The following ARHGEF9 variants were observed in gnomAD, a reference collection of about 807,000 sequenced individuals.
ARHGEF9 encodes rho guanine nucleotide exchange factor 9.
In ARHGEF9, 2 loss-of-function variants were observed where a neutral mutation model predicts 41.3. That is an observed-to-expected ratio of 0.05 (90% CI 0.02 to 0.15). ARHGEF9 has a LOEUF of 0.15. Among genes scored for constraint, ARHGEF9 ranks in the 10% least tolerant of loss-of-function variants. The pLI is 1.00. For missense variants in ARHGEF9, 225 were observed against 424.7 expected, an observed-to-expected ratio of 0.53 and a Z score of 4.13; for synonymous variants, 160 against 154.4, an observed-to-expected ratio of 1.04 and a Z score of -0.27.
intron 8 of ARHGEF9, among the ~76,000 whole-genome samples, chrX:63,647,856 G>C (rs1380617170): frequency 9.0e-6 from 1 of 111,092 alleles, no homozygotes; most frequent in African/African-American, 3.3e-5. Flanking sequence ...GAATCCGTCT[G>C]GTCCTGGACT....
intron 5 of ARHGEF9, among the ~76,000 whole-genome samples, chrX:63,676,946 G>A (rs1186614237): frequency 8.9e-6 from 1 of 111,992 alleles, no homozygotes; most frequent in Non-Finnish European, 1.9e-5. Context: ...GTTCTACTGG[G>A]CAGTCCTGGC....
intron 7 of ARHGEF9, chrX:63,657,113 G>C (rs1176324550): frequency 8.9e-6 from 1 of 112,063 alleles, no homozygotes; most frequent in Non-Finnish European, 1.9e-5. Flanking sequence ...GCCCCTATGA[G>C]TCCTGTCCTG....
At chrX:63,742,110 A>C (rs2054997995) in intron 1 of ARHGEF9, among the ~76,000 whole-genome samples, 1 of 112,340 alleles carries the variant, frequency 8.9e-6, no homozygotes, top group African/African-American at 3.2e-5. Context: ...CACTTCCTGA[A>C]TGTGGTAATC....
At position 63,655,638 on chromosome X, in the gene ARHGEF9, C is replaced by T. The variant is rs1556334858; in HGVS notation, c.1177G>A (p.Val393Ile). ...AGCTTAAAGGCATTCTTCATGCTGACATTGAAGTCATCATCTCTGCCATCC... is the reference window on the plus strand; with the variant it reads ...AGCTTAAAGGCATTCTTCATGCTGATATTGAAGTCATCATCTCTGCCATCC... ...IEDGRDDDFN[V>I]SMKNAFKLHN... The change falls in exon 8 of 10, where the codon GTC becomes ATC. Residue 393 changes from valine (V) to isoleucine (I), a missense_variant. Val to Ile is a conservative substitution (Grantham distance 29, BLOSUM62 3). Transcript: ENST00000671741. 1 of 1,211,381 alleles carries T rather than the reference C, an allele frequency of 8.3e-7. No individual in the cohort carries two copies.
intron 5 of ARHGEF9, among the ~76,000 whole-genome samples, chrX:63,675,342 A>C (rs782522209): frequency 1.8e-5 from 2 of 111,900 alleles, no homozygotes; most frequent in South Asian, 7.6e-4. Flanking sequence ...GCTTCTGCCC[A>C]AAATCACTCT....
intron 4 of ARHGEF9, among the ~76,000 whole-genome samples, chrX:63,679,426 A>G (rs2050476591): frequency 8.9e-6 from 1 of 111,765 alleles, no homozygotes; most frequent in Admixed American, 9.5e-5. Context: ...AATAGAAAAT[A>G]TTTATAAAAC....
At chrX:63,711,532 G>T (rs1386483149) in intron 2 of ARHGEF9, among the ~76,000 whole-genome samples, 10 of 111,746 alleles carry the variant, frequency 8.9e-5, no homozygotes, top group African/African-American at 2.9e-4. Flanking sequence ...TTTGTCAAAG[G>T]TGCCAGGATT....
At chrX:63,674,390 C>T (rs782712829) in intron 5 of ARHGEF9, among the ~76,000 whole-genome samples, 31 of 111,678 alleles carry the variant, frequency 2.8e-4, no homozygotes, top group Non-Finnish European at 4.5e-4. Context: ...AGAAGTGTTG[C>T]GTAGTGTAAG....
At chrX:63,646,150 T>C (rs1298298799) in intron 8 of ARHGEF9, among the ~76,000 whole-genome samples, 3 of 111,790 alleles carry the variant, frequency 2.7e-5, no homozygotes, top group African/African-American at 6.5e-5. Flanking sequence ...GATGAGTAGA[T>C]TGCAAAAATT....
rs180959601 is a variant in ARHGEF9, at chrX:63,778,950, T to A, written c.30+6166A>T. 2.7e-5 allele frequency among the ~76,000 whole-genome samples: 3 copies of A among 112,411 alleles called. No homozygotes were observed. The East Asian group carries it at 8.3e-4, about 31-fold the overall frequency. The stretch of plus-strand genomic sequence containing the variant: ...TCCTCTACATTTGTGTTGAATAAAT[T>A]AATAACCTGAAAGTACCTATAAAAA... On this transcript the variant is annotated intron_variant, in intron 1 of 9. Coordinates refer to ENST00000671741, the MANE Select transcript of ARHGEF9 (RefSeq NM_001353921.2).
intron 5 of ARHGEF9, among the ~76,000 whole-genome samples, chrX:63,674,709 G>T (rs2050153832): frequency 9.0e-6 from 1 of 111,668 alleles, no homozygotes; most frequent in East Asian, 2.8e-4. Context: ...GAAGGAAAAG[G>T]AATGTGTTTA....
At chrX:63,757,188 T>G (rs1556447777) in intron 1 of ARHGEF9, among the ~76,000 whole-genome samples, 1 of 111,532 alleles carries the variant, frequency 9.0e-6, no homozygotes, top group Non-Finnish European at 1.9e-5. Flanking sequence ...GCATTTGCAC[T>G]GAATGGGCTC....
intron 1 of ARHGEF9, among the ~76,000 whole-genome samples, chrX:63,782,286 C>T (rs1467785475): frequency 1.8e-5 from 2 of 111,409 alleles, no homozygotes; most frequent in African/African-American, 3.3e-5. Flanking sequence ...GCACTTTATC[C>T]CCATTTTATG....
chrX:63,720,523 C>T (rs1238025141), intron 2 of ARHGEF9, among the ~76,000 whole-genome samples: 1 of 112,022 alleles, frequency 8.9e-6, no homozygotes, highest in South Asian at 3.7e-4. Flanking sequence ...GACCTATTCA[C>T]AGGAAAAAAA....
chrX:63,717,262 A>C (rs2053365258), intron 2 of ARHGEF9, among the ~76,000 whole-genome samples: 1 of 112,499 alleles, frequency 8.9e-6, no homozygotes. Flanking sequence ...CCCCAGTAAC[A>C]TTATTATGCC....
intron 9 of ARHGEF9, among the ~76,000 whole-genome samples, chrX:63,643,686 A>T (rs782620438): frequency 8.2e-5 from 9 of 110,248 alleles, no homozygotes; most frequent in Non-Finnish European, 1.5e-4. Context: ...TTGATCTATA[A>T]ATTGTTAGTA....
intron 7 of ARHGEF9, 54 bp downstream of exon 7, chrX:63,665,832 T>C (rs1602299064): frequency 8.4e-7 from 1 of 1,186,165 alleles, no homozygotes; most frequent in Non-Finnish European, 1.1e-6. Flanking sequence ...AAGAGGAGGG[T>C]CCGGTACCCT....
chrX:63,652,403 C>T (rs1252216282), intron 8 of ARHGEF9, among the ~76,000 whole-genome samples: 4 of 111,166 alleles, frequency 3.6e-5, no homozygotes, highest in Non-Finnish European at 7.5e-5. Flanking sequence ...CAATTATTTA[C>T]ATAGCATTTA....
chrX:63,757,598 A>G (rs1211689965), intron 1 of ARHGEF9, among the ~76,000 whole-genome samples: 5 of 111,094 alleles, frequency 4.5e-5, no homozygotes, highest in African/African-American at 1.3e-4. Flanking sequence ...AGTTCTGTTG[A>G]TCCTCTTCCT....
Sources: allele counts gnomAD v4.1 joint callset (sites outside exome capture counted in the v4.1 genomes callset), GRCh38; gene constraint gnomAD v4.1.1; transcripts MANE v1.5; gene names NCBI Gene and HGNC (gene_info 2026-07-23, HGNC 2026-07-21).